The following TSNARE1 variants were observed in gnomAD, a reference collection of about 807,000 sequenced individuals.
TSNARE1 encodes the protein t-SNARE domain-containing protein 1.
Under a neutral mutation model 62.0 loss-of-function variants are expected in TSNARE1, and 49 were observed. The ratio of observed to expected loss-of-function variants is 0.79; its 90% CI spans 0.63 to 1.00. TSNARE1 has a LOEUF of 1.00. TSNARE1 is among the 50% of genes least tolerant of loss of function. The probability of loss-of-function intolerance (pLI) is 0.00; values close to 1 mark genes in which losing one functional copy is unlikely to be tolerated. For synonymous variants in TSNARE1, 328 were observed against 294.4 expected, an observed-to-expected ratio of 1.11 and a Z score of -1.17; for missense variants, 755 against 700.1, an observed-to-expected ratio of 1.08 and a Z score of -0.88.
intron 12 of TSNARE1, among the ~76,000 whole-genome samples, chr8:142,243,633 C>T (rs745782353): frequency 1.9e-4 from 29 of 152,052 alleles, no homozygotes; most frequent in African/African-American, 5.3e-4. Flanking sequence ...CTGGGTTAAA[C>T]GGTACAAGGT....
In TSNARE1 at chr8:142,319,720, A is replaced by C. The variant is rs1829182210; in HGVS notation, c.894-1086T>G. ...CACCACCACTGCAGGCCAAGCCTAC[A>C]GGAGCGGGGCCCACCTCCTGATACC... is the stretch of plus-strand genomic sequence containing the variant. On this transcript the variant is annotated intron_variant, in intron 6 of 13. Transcript: ENST00000524325. This position sits in a 1 kb window ranked among gnomAD's most constrained non-coding sequence, Gnocchi z 4.9. Among the ~76,000 whole-genome samples the C allele has an allele frequency of 6.6e-6, 1 of 152,136 alleles. No individual in the cohort carries two copies. The highest frequency in any genetic ancestry group is 6.5e-5 in the Admixed American group (1 of 15,284).
At chr8:142,222,870 A>G (rs1223306087) in intron 13 of TSNARE1, among the ~76,000 whole-genome samples, 2 of 150,138 alleles carry the variant, frequency 1.3e-5, no homozygotes, top group African/African-American at 5.0e-5. Context: ...CCACTCACTC[A>G]TTCACTTACT....
At chr8:142,267,792 G>T (rs1242155292) in intron 12 of TSNARE1, among the ~76,000 whole-genome samples, 1 of 152,206 alleles carries the variant, frequency 6.6e-6, no homozygotes, top group Admixed American at 6.5e-5. Context: ...CATTTGGGCT[G>T]CCTGGGGGAT....
At chr8:142,340,613 G>C (rs1467736777) in intron 4 of TSNARE1, among the ~76,000 whole-genome samples, 1 of 148,926 alleles carries the variant, frequency 6.7e-6, no homozygotes, top group Non-Finnish European at 1.5e-5. Context: ...TGTCAATAAA[G>C]AAAGAAAATA....
At chr8:142,351,175 A>G (rs1379470267) in intron 2 of TSNARE1, among the ~76,000 whole-genome samples, 3 of 152,234 alleles carry the variant, frequency 2.0e-5, no homozygotes, top group Non-Finnish European at 2.9e-5. Context: ...AGTGAGGGGA[A>G]GCCAAGGTAC....
intron 11 of TSNARE1, chr8:142,276,284 C>G: frequency 1.0e-6 from 1 of 985,444 alleles, no homozygotes; most frequent in South Asian, 4.7e-5. Flanking sequence ...ACTCTGCTCT[C>G]TATGTCCTGC....
At chr8:142,283,565 A>G (rs71513658) in intron 11 of TSNARE1, among the ~76,000 whole-genome samples, 1,150 of 14,676 alleles carry the variant, frequency 0.078, no homozygotes, top group African/African-American at 0.084. Flanking sequence ...GCAGAGGCGG[A>G]GTTAGTGTCT....
chr8:142,395,598 C>T (rs1837841290), intron 1 of TSNARE1, among the ~76,000 whole-genome samples: 1 of 152,244 alleles, frequency 6.6e-6, no homozygotes, highest in Non-Finnish European at 1.5e-5. Flanking sequence ...GGATCTACCC[C>T]TCAGCAAGAT....
intron 1 of TSNARE1, among the ~76,000 whole-genome samples, chr8:142,366,650 C>G (rs747940430): frequency 6.6e-6 from 1 of 152,140 alleles, no homozygotes; most frequent in African/African-American, 2.4e-5. Flanking sequence ...AATAAAGAAC[C>G]TTTCATCCTA....
chr8:142,265,416 G>A (rs1819085510), intron 12 of TSNARE1, among the ~76,000 whole-genome samples: 1 of 152,168 alleles, frequency 6.6e-6, no homozygotes, highest in Admixed American at 6.5e-5. Flanking sequence ...CTGAGTTGCT[G>A]GCATTTCCGA....
At chr8:142,275,299 G>C (rs752345277) in intron 11 of TSNARE1, 1 of 985,424 alleles carries the variant, frequency 1.0e-6, no homozygotes, top group Non-Finnish European at 1.2e-6. Context: ...GATGGAGACC[G>C]GGTCTGCAAG....
chr8:142,222,299 T>TTCACTCACTCACTCATCCACTAATTCAC lies in TSNARE1; in HGVS notation c.*11+7146_*11+7173dup, dbSNP rs1563754965. ...TCATCCACTCATTCACTCTCACTCA[T>TTCACTCACTCACTCATCCACTAATTCAC]TCACTCACTCACTCATCCACTAATT... On this transcript the variant is annotated intron_variant, in intron 13 of 13. Transcript: ENST00000524325. 2.5e-4 allele frequency among the ~76,000 whole-genome samples: 5 copies of TTCACTCACTCACTCATCCACTAATTCAC among 20,236 alleles called. 1 individual carries two copies. Among genetic ancestry groups the TTCACTCACTCACTCATCCACTAATTCAC allele is most frequent in the East Asian group, 1.7e-3 (1 of 578 alleles). The allele number at this position is 20,236 out of a possible 152,430, so 13.3% of individuals were successfully genotyped here. A position where few individuals can be genotyped will look rare whatever the true frequency, so the allele number is the denominator to read the frequency against.
At chr8:142,386,861 G>A (rs550822271) in intron 1 of TSNARE1, among the ~76,000 whole-genome samples, 1 of 152,286 alleles carries the variant, frequency 6.6e-6, no homozygotes, top group East Asian at 1.9e-4. Flanking sequence ...CATATCAATG[G>A]TAGACATTAA....
At chr8:142,324,696 G>A (rs949451328) in intron 6 of TSNARE1, among the ~76,000 whole-genome samples, 2 of 152,234 alleles carry the variant, frequency 1.3e-5, no homozygotes, top group African/African-American at 4.8e-5. Flanking sequence ...TGGAGCTGGT[G>A]AGCTGGAGTG....
intron 11 of TSNARE1, chr8:142,279,906 A>G (rs4976990): frequency 0.67 from 693,291 of 1,034,418 alleles, 235,320 homozygotes; most frequent in African/African-American, 0.93. Flanking sequence ...GACCGTGGGC[A>G]GAAAAGGTCT....
chr8:142,315,241 C>T (rs952302623), intron 7 of TSNARE1, 149 bp from the exon 8 acceptor site: 9 of 778,832 alleles, frequency 1.2e-5, no homozygotes, highest in African/African-American at 1.0e-4. Context: ...GTGTCACCGT[C>T]GTCTCCACAG....
At chr8:142,282,927 G>T (rs1385041607) in intron 11 of TSNARE1, among the ~76,000 whole-genome samples, 1 of 148,342 alleles carries the variant, frequency 6.7e-6, no homozygotes, top group Non-Finnish European at 1.5e-5. Context: ...ATGAGCGGAG[G>T]TGGGGCCACT....
At chr8:142,259,932 G>A (rs1049128240) in intron 12 of TSNARE1, among the ~76,000 whole-genome samples, 1 of 152,118 alleles carries the variant, frequency 6.6e-6, no homozygotes, top group Non-Finnish European at 1.5e-5. Context: ...CAGGAACAGG[G>A]CAGTGGTTCA....
chr8:142,339,534 C>T (rs889492440), intron 4 of TSNARE1, among the ~76,000 whole-genome samples: 3 of 152,186 alleles, frequency 2.0e-5, no homozygotes, highest in Non-Finnish European at 2.9e-5. Flanking sequence ...CCACAGGGCG[C>T]TAAGAAACCA....
Sources: allele counts gnomAD v4.1 joint callset (sites outside exome capture counted in the v4.1 genomes callset), GRCh38; gene constraint gnomAD v4.1.1; non-coding constraint Gnocchi (gnomAD v3.1); transcripts MANE v1.5; gene names NCBI Gene and HGNC (gene_info 2026-07-23, HGNC 2026-07-21).